NAALADL2: variants seen among roughly 807,000 people sequenced by gnomAD.
NAALADL2 encodes N-acetylated alpha-linked acidic dipeptidase like 2.
A neutral mutation model predicts 87.2 loss-of-function variants in NAALADL2; 76 were observed. That is an observed-to-expected ratio of 0.87 (90% CI 0.72 to 1.05). The LOEUF (loss-of-function observed/expected upper bound fraction) is 1.05, where lower values mean the gene tolerates loss of function less well. NAALADL2 is among the 50% of genes least tolerant of loss of function. The pLI is 0.00. For synonymous variants in NAALADL2, 354 were observed against 331.0 expected, an observed-to-expected ratio of 1.07 and a Z score of -0.75; for missense variants, 1,089 against 945.8, an observed-to-expected ratio of 1.15 and a Z score of -1.99.
intron 1 of NAALADL2, among the ~76,000 whole-genome samples, chr3:175,004,376 CAAAAAAAAAA>C (rs538715061): frequency 3.2e-4 from 11 of 33,852 alleles, no homozygotes; most frequent in South Asian, 3.5e-3. Context: ...GAGACTATTT[CAAAAAAAAAA>C]AAAAAAAAAA....
intron 1 of NAALADL2, among the ~76,000 whole-genome samples, chr3:175,083,062 C>T (rs1223877829): frequency 6.6e-6 from 1 of 152,200 alleles, no homozygotes; most frequent in Non-Finnish European, 1.5e-5. Flanking sequence ...ACATAAGAAA[C>T]ACCAGTTCTG....
intron 9 of NAALADL2, among the ~76,000 whole-genome samples, chr3:175,476,192 C>T (rs565778160): frequency 8.5e-5 from 13 of 152,228 alleles, no homozygotes; most frequent in African/African-American, 3.1e-4. Flanking sequence ...AGTTTTTGAG[C>T]TCCTAACTTG....
At chr3:175,216,450 C>A (rs1742532444) in intron 2 of NAALADL2, among the ~76,000 whole-genome samples, 1 of 151,874 alleles carries the variant, frequency 6.6e-6, no homozygotes, top group Non-Finnish European at 1.5e-5. Flanking sequence ...GTAGATAGTT[C>A]TTTCCAAGAC....
At chr3:175,103,015 G>A (rs6443285) in intron 2 of NAALADL2, among the ~76,000 whole-genome samples, 33,441 of 151,276 alleles carry the variant, frequency 0.22, 5,179 homozygotes, top group African/African-American at 0.44. Flanking sequence ...AGGCTAAGGC[G>A]GGAGAATTGC....
At chr3:175,719,006 G>A (rs1006168530) in intron 11 of NAALADL2, among the ~76,000 whole-genome samples, 6 of 152,066 alleles carry the variant, frequency 3.9e-5, no homozygotes, top group African/African-American at 1.2e-4. Flanking sequence ...TATCTCATCC[G>A]CTTTGTGCTA....
At chr3:175,377,317 C>A (rs1219439099) in intron 5 of NAALADL2, among the ~76,000 whole-genome samples, 1 of 151,968 alleles carries the variant, frequency 6.6e-6, no homozygotes, top group Non-Finnish European at 1.5e-5. Context: ...GTTTCAAAAA[C>A]AAAAACAAAA....
intron 2 of NAALADL2, among the ~76,000 whole-genome samples, chr3:175,221,362 T>G (rs1467306369): frequency 6.6e-6 from 1 of 152,200 alleles, no homozygotes; most frequent in East Asian, 1.9e-4. Context: ...CTGTGTGGTT[T>G]TTGGCCTCTC....
At position 175,201,392 on chromosome 3, in the gene NAALADL2, T is replaced by A. The variant is rs959668138; in HGVS notation, c.546-32539T>A. 3.2e-4 allele frequency among the ~76,000 whole-genome samples: 49 copies of A among 152,346 alleles called. 1 individual carries two copies. The highest frequency in any genetic ancestry group is 1.1e-3 in the African/African-American group (46 of 41,596). On this transcript the variant is annotated intron_variant, in intron 2 of 13. Coordinates refer to ENST00000454872, the MANE Select transcript of NAALADL2 (RefSeq NM_207015.3). ...AAAATATGTTCCAACTACTTATTGA[T>A]CTTCTACAAGTTTATTAAGTAATTT...
chr3:175,738,388 CAGG>C (rs1056898403), intron 12 of NAALADL2, among the ~76,000 whole-genome samples: 29 of 152,124 alleles, frequency 1.9e-4, no homozygotes, highest in African/African-American at 7.0e-4. Flanking sequence ...GCTGGAACTA[CAGG>C]CACATGCCAC....
At chr3:174,529,079 G>A (rs1721015765) in intron 1 of NAALADL2, among the ~76,000 whole-genome samples, 1 of 152,122 alleles carries the variant, frequency 6.6e-6, no homozygotes, top group Admixed American at 6.5e-5. Context: ...TCTGAGACAA[G>A]GCTAGTCCCT....
chr3:174,888,384 G>T (rs779777805), intron 1 of NAALADL2, among the ~76,000 whole-genome samples: 3 of 152,172 alleles, frequency 2.0e-5, no homozygotes, highest in Non-Finnish European at 2.9e-5. Context: ...GACAGGAAAT[G>T]CTCACTTACT....
chr3:175,585,003 T>A (rs1316934923), intron 10 of NAALADL2, among the ~76,000 whole-genome samples: 2 of 152,114 alleles, frequency 1.3e-5, no homozygotes, highest in African/African-American at 4.8e-5. Flanking sequence ...TACTGTAACT[T>A]TTTTACTTTG....
chr3:175,293,840 C>G (rs997788505), intron 4 of NAALADL2, among the ~76,000 whole-genome samples: 2 of 152,108 alleles, frequency 1.3e-5, no homozygotes, highest in African/African-American at 2.4e-5. Flanking sequence ...CAGTTTATGG[C>G]ATTTTTTATA....
chr3:175,219,353 C>G (rs1743002463), intron 2 of NAALADL2, among the ~76,000 whole-genome samples: 2 of 151,998 alleles, frequency 1.3e-5, no homozygotes, highest in African/African-American at 4.8e-5. Context: ...TCTGGGAGAC[C>G]ACCTTAAATC....
intron 1 of NAALADL2, among the ~76,000 whole-genome samples, chr3:175,037,191 G>A (rs1753522623): frequency 6.6e-6 from 1 of 152,116 alleles, no homozygotes; most frequent in South Asian, 2.1e-4. Context: ...TAAGGTGCCA[G>A]CTTCCCACTT....
At chr3:175,237,476 T>G (rs1322238634) in intron 3 of NAALADL2, among the ~76,000 whole-genome samples, 1 of 152,090 alleles carries the variant, frequency 6.6e-6, no homozygotes, top group Non-Finnish European at 1.5e-5. Context: ...CCGATGGTGT[T>G]CTCCACCCCC....
At chr3:174,794,419 A>T (rs2109217106) in intron 3 of NAALADL2, among the ~76,000 whole-genome samples, 1 of 152,252 alleles carries the variant, frequency 6.6e-6, no homozygotes. Flanking sequence ...AGGCGTATTA[A>T]TGAAGGATGG....
At chr3:175,258,909 C>G (rs1035627751) in intron 4 of NAALADL2, among the ~76,000 whole-genome samples, 9 of 152,138 alleles carry the variant, frequency 5.9e-5, no homozygotes, top group Non-Finnish European at 1.3e-4. Context: ...AATATGCATG[C>G]GTTTCCCATG....
At chr3:175,413,527 G>C (rs115431673) in intron 5 of NAALADL2, among the ~76,000 whole-genome samples, 2,571 of 132,878 alleles carry the variant, frequency 0.019, 38 homozygotes, top group Middle Eastern at 0.04. Context: ...CTGAGATTGC[G>C]CCAAAGCACT....
Sources: gnomAD v4.1 joint callset for allele counts (sites outside exome capture counted in the v4.1 genomes callset) on GRCh38, gnomAD v4.1.1 for gene constraint, MANE v1.5 for transcripts, NCBI Gene and HGNC (gene_info 2026-07-23, HGNC 2026-07-21) for gene names.